FUZ: variants seen among roughly 807,000 people sequenced by gnomAD.
FUZ encodes fuzzy planar cell polarity protein, also known as protein fuzzy homolog.
In FUZ, 31 loss-of-function variants were observed where a neutral mutation model predicts 43.1. The observed-to-expected ratio is 0.72, with a 90% confidence interval of 0.54 to 0.97. The LOEUF is 0.97. Among genes scored for constraint, FUZ ranks in the 50% least tolerant of loss-of-function variants. FUZ has a pLI of 0.00. For missense variants in FUZ, 539 were observed against 543.8 expected (o/e 0.99, Z 0.09); for synonymous variants, 274 against 250.0 (o/e 1.10, Z -0.91).
chr19:49,808,761 G>T lies in FUZ; in HGVS notation c.849C>A (p.Pro283=). The change falls in exon 8 of 11, where the codon CCC becomes CCA. Residue 283 remains proline (P), a synonymous_variant. Transcript: ENST00000313777. The part of the protein sequence containing the change: ...DPLRACLPLG[P]RALPSGFPLH... The stretch of plus-strand genomic sequence containing the variant: ...GGGGGAAGCCACTGGGCAGCGCCCG[G>T]GGTCCCAACGGCAGACAGGCCCGCA... The T allele has an allele frequency of 6.4e-7, 1 of 1,574,492 alleles. No homozygotes were observed. The highest frequency in any genetic ancestry group is 1.9e-5 in the Admixed American group (1 of 53,942).
chr19:49,811,675 GTTC>G lies in FUZ; in HGVS notation c.340_342del (p.Glu114del), dbSNP rs769951235. 6.2e-7 allele frequency: 1 copy of G among 1,614,122 alleles called. No homozygotes were observed. The highest frequency in any genetic ancestry group is 1.7e-5 in the Admixed American group (1 of 60,014). On this transcript the variant is annotated inframe_deletion, in exon 4 of 11. Transcript: ENST00000313777. ...CTCTCCACGTTGCGGATATTGGTCA[GTTC>G]TTCAAGTCCCACAAGAAGGACCTAG... is the stretch of plus-strand genomic sequence containing the variant.
In FUZ at chr19:49,809,065, G is replaced by T. The variant is rs573052859; in HGVS notation, c.786+98C>A. The T allele has an allele frequency of 6.6e-6, 8 of 1,204,938 alleles. No homozygotes were observed. The highest frequency in any genetic ancestry group is 4.5e-5 in the African/African-American group (3 of 66,300). 74.6% of individuals were successfully genotyped at this position (1,204,938 alleles called of 1,614,324 possible). A position where few individuals can be genotyped will look rare whatever the true frequency, so the allele number is the denominator to read the frequency against. ...TGGAGCGCAGTCCAGAAGAGGCGGG[G>T]CTGGGGAAAGATGCCGCTGGCAGGG... On this transcript the variant is annotated intron_variant, in intron 7 of 10. Coordinates refer to ENST00000313777, the MANE Select transcript of FUZ (RefSeq NM_025129.5). This position sits in a 1 kb window ranked among gnomAD's most constrained non-coding sequence, Gnocchi z 5.1.
Position 49,813,044 on chromosome 19 carries a change from G to T in FUZ, c.63C>A (p.Val21=), listed in dbSNP as rs761879368. The part of the protein sequence containing the change: ...HLLCLAASSG[V]PLFCRSSRGG... Reference sequence around the variant, plus strand: ...CGCGACTGCTCCTGCAGAATAGGGGGACCCCGCTGGAGGCCGCGAGGCACA... The same window carrying T: ...CGCGACTGCTCCTGCAGAATAGGGGTACCCCGCTGGAGGCCGCGAGGCACA... The change falls in exon 1 of 11, where the codon GTC becomes GTA. Residue 21 remains valine, a synonymous_variant. Transcript: ENST00000313777. 5.0e-5 allele frequency: 78 copies of T among 1,551,300 alleles called. No individual in the cohort carries two copies. The highest frequency in any genetic ancestry group is 6.6e-5 in the Non-Finnish European group (76 of 1,146,998).
rs1307673797 is a variant in FUZ, at chr19:49,811,643, C to T, written c.375G>A (p.Lys125=). Residue 125 remains lysine (K), a synonymous_variant, in exon 4 of 11, where the codon AAG becomes AAA. Transcript: ENST00000313777. ...CCTGCAACCTCACCCTCAAGTCCTT[C>T]TTCAGTCTCTCCACGTTGCGGATAT... ...LTNIRNVERL[K]KDLRASYCLI... 1 of 1,614,206 alleles carries T rather than the reference C, an allele frequency of 6.2e-7. No homozygotes were observed. Among genetic ancestry groups the T allele is most frequent in the Non-Finnish European group, 8.5e-7 (1 of 1,180,012 alleles).
chr19:49,810,773 C>T (rs1046206641), intron 5 of FUZ, among the ~76,000 whole-genome samples: 62 of 151,836 alleles, frequency 4.1e-4, no homozygotes, highest in African/African-American at 1.5e-3. Context: ...TCACTTGAAT[C>T]CAGGAGTTCA....
Position 49,807,283 on chromosome 19 carries a change from G to A in FUZ, c.1125C>T (p.Gly375=), listed in dbSNP as rs910626330. The change falls in exon 11 of 11, where the codon GGC becomes GGT. Residue 375 remains glycine, a synonymous_variant. Coordinates refer to ENST00000313777, the MANE Select transcript of FUZ (RefSeq NM_025129.5). The stretch of plus-strand genomic sequence containing the variant: ...GCAAGGCCACCAGACGCACTCCTGT[G>A]CCTGGTTCCTCAGTCCCCAACACCA... ...CYLVLGTEEP[G]TGVRLVALQL... The A allele has an allele frequency of 1.9e-6, 3 of 1,613,464 alleles. No homozygotes were observed. The highest frequency in any genetic ancestry group is 2.5e-6 in the Non-Finnish European group (3 of 1,179,958).
At position 49,812,248 on chromosome 19, in the gene FUZ, C is replaced by T. The variant is rs1270474354; in HGVS notation, c.318+3G>A. ...GGGAGAAAAGAGGACTGGTGAGTCT[C>T]ACCATGGCTCCAAACACCATTTGGA... On this transcript the variant is annotated splice_donor_region_variant and intron_variant, in intron 3 of 10. Transcript: ENST00000313777. 56 of 1,610,046 alleles carry T rather than the reference C, an allele frequency of 3.5e-5. No homozygotes were observed. Among genetic ancestry groups the T allele is most frequent in the Non-Finnish European group, 4.6e-5 (54 of 1,176,710 alleles).
intron 3 of FUZ, 91 bp from the exon 4 acceptor site, chr19:49,811,790 G>T (rs1568608778): frequency 2.8e-6 from 3 of 1,078,674 alleles, no homozygotes; most frequent in Non-Finnish European, 4.3e-6. Flanking sequence ...CCCACTTCTG[G>T]GTCTGGGGAC....
At position 49,811,416 on chromosome 19, in the gene FUZ, C is replaced by A. The variant is rs769710496; in HGVS notation, c.439G>T (p.Asp147Tyr). Residue 147 changes from aspartate to tyrosine, a missense_variant, in exon 5 of 11, where the codon GAC becomes TAC. Transcript: ENST00000313777. ...SFLGDSELIGDLTQCVDCVIP... is the reference protein window; with the variant it reads ...SFLGDSELIGYLTQCVDCVIP... Reference sequence around the variant, plus strand: ...ACGCAGTCCACACACTGGGTCAGGTCCCCGATGAGCTCCGAGTCCCCCAGG... The same window carrying A: ...ACGCAGTCCACACACTGGGTCAGGTACCCGATGAGCTCCGAGTCCCCCAGG... The A allele has an allele frequency of 6.2e-7, 1 of 1,613,772 alleles. No homozygotes were observed. The highest frequency in any genetic ancestry group is 8.5e-7 in the Non-Finnish European group (1 of 1,179,836).
chr19:49,807,491 G>T, intron 10 of FUZ, 117 bp from the exon 11 acceptor site: 3 of 1,085,814 alleles, frequency 2.8e-6, no homozygotes, highest in Non-Finnish European at 1.4e-6. Flanking sequence ...GGTTTTGGGA[G>T]CCTCCTGCCA....
At position 49,807,084 on chromosome 19, in the gene FUZ, T is replaced by C; in HGVS notation, c.*67A>G. On this transcript the variant is annotated 3_prime_UTR_variant, in exon 11 of 11. Transcript: ENST00000313777. Reference sequence around the variant, plus strand: ...CTCCCCATCCAGGGGCTGTGTATTATTGTGAGCGAATAAACAGAGAGACGC... The same window carrying C: ...CTCCCCATCCAGGGGCTGTGTATTACTGTGAGCGAATAAACAGAGAGACGC... 6.2e-7 allele frequency: 1 copy of C among 1,601,104 alleles called. No individual in the cohort carries two copies. The highest frequency in any genetic ancestry group is 8.5e-7 in the Non-Finnish European group (1 of 1,175,904).
rs767454942 is a variant in FUZ, at chr19:49,812,728, G to C, written c.120C>G (p.Phe40Leu). The change falls in exon 2 of 11, where the codon TTC (phenylalanine) becomes TTG (leucine). Residue 40 changes from phenylalanine to leucine, a missense_variant. Phe to Leu is a conservative substitution (Grantham distance 22, BLOSUM62 0). Transcript: ENST00000313777. Reference sequence around the variant, plus strand: ...CTCCATTGAGGGAACCGATGACAGAGAACGGGAGCTAAGGAGGGGTTAGGG... The same window carrying C: ...CTCCATTGAGGGAACCGATGACAGACAACGGGAGCTAAGGAGGGGTTAGGG... ...GGAPARQQLPFSVIGSLNGVH... is the reference protein window; with the variant it reads ...GGAPARQQLPLSVIGSLNGVH... 1.1e-5 allele frequency: 17 copies of C among 1,614,002 alleles called. No individual in the cohort carries two copies. The South Asian group carries it at 1.9e-4, about 18-fold the overall frequency.
In FUZ at chr19:49,813,035, G is replaced by A; in HGVS notation, c.72C>T (p.Phe24=). ...CLAASSGVPL[F]CRSSRGGAPA... ...GGGCGCCGCCGCGACTGCTCCTGCAGAATAGGGGGACCCCGCTGGAGGCCG... is the reference window on the plus strand; with the variant it reads ...GGGCGCCGCCGCGACTGCTCCTGCAAAATAGGGGGACCCCGCTGGAGGCCG... The change falls in exon 1 of 11, where the codon TTC becomes TTT. Residue 24 remains phenylalanine (F), a synonymous_variant. Coordinates refer to ENST00000313777, the MANE Select transcript of FUZ (RefSeq NM_025129.5). 1 of 1,551,326 alleles carries A rather than the reference G, an allele frequency of 6.4e-7. No homozygotes were observed. The highest frequency in any genetic ancestry group is 8.7e-7 in the Non-Finnish European group (1 of 1,146,986).
chr19:49,808,376 C>G (rs766520008), intron 10 of FUZ, 38 bp downstream of exon 10: 2 of 1,592,370 alleles, frequency 1.3e-6, no homozygotes, highest in Non-Finnish European at 1.7e-6. Flanking sequence ...ACTCAGTGTC[C>G]CCGCCTGCGC....
At chr19:49,812,508 T>C (rs1266631879) in intron 2 of FUZ, 107 bp downstream of exon 2, 2 of 1,516,740 alleles carry the variant, frequency 1.3e-6, no homozygotes, top group Non-Finnish European at 1.8e-6. Flanking sequence ...AAAGATCCCA[T>C]AGCCAAATTA....
chr19:49,812,644 C>T lies in FUZ; in HGVS notation c.204G>A (p.Thr68=), dbSNP rs1174227161. The T allele has an allele frequency of 6.8e-6, 11 of 1,614,044 alleles. No homozygotes were observed. The highest frequency in any genetic ancestry group is 8.5e-6 in the Non-Finnish European group (10 of 1,180,038). Reference sequence around the variant, plus strand: ...CATGGAAGCTTTTCCACACCACAGTCGTGTTCTCGGTCCTCGCAGAGCTCA... The same window carrying T: ...CATGGAAGCTTTTCCACACCACAGTTGTGTTCTCGGTCCTCGCAGAGCTCA... The part of the protein sequence containing the change: ...VQLSSARTEN[T]TVVWKSFHDS... The change falls in exon 2 of 11, where the codon ACG becomes ACA. Residue 68 remains threonine (T), a synonymous_variant. Transcript: ENST00000313777.
chr19:49,807,875 C>T (rs1267407441), intron 10 of FUZ, among the ~76,000 whole-genome samples: 3 of 152,202 alleles, frequency 2.0e-5, no homozygotes, highest in Non-Finnish European at 4.4e-5. Flanking sequence ...CTTTGTCTTT[C>T]TGGGCCCTTA....
Position 49,812,987 on chromosome 19 carries a change from AG to A in FUZ, c.111+8del. On this transcript the variant is annotated splice_region_variant and intron_variant, in intron 1 of 10. Coordinates refer to ENST00000313777, the MANE Select transcript of FUZ (RefSeq NM_025129.5). ...CCTTCGGTTTAGATACAGGCGTCCAAGGCCCCACCTGCTGACGGGCGGGGGC... is the reference window on the plus strand; with the variant it reads ...CCTTCGGTTTAGATACAGGCGTCCAAGCCCCACCTGCTGACGGGCGGGGGC... The A allele has an allele frequency of 6.5e-7, 1 of 1,549,158 alleles. No individual in the cohort carries two copies. The highest frequency in any genetic ancestry group is 8.7e-7 in the Non-Finnish European group (1 of 1,145,274).
At position 49,809,596 on chromosome 19, in the gene FUZ, G is replaced by A. The variant is rs1346409269; in HGVS notation, c.493-21C>T. On this transcript the variant is annotated intron_variant, in intron 5 of 10. Coordinates refer to ENST00000313777, the MANE Select transcript of FUZ (RefSeq NM_025129.5). This position sits in a 1 kb window ranked among gnomAD's most constrained non-coding sequence, Gnocchi z 5.1. ...GCTTCCTGGGTACGGGAGGCAGGAG[G>A]ACTGGGAGTCAGCAGACAAGCGTAG... is the stretch of plus-strand genomic sequence containing the variant. 12 of 1,573,500 alleles carry A rather than the reference G, an allele frequency of 7.6e-6. No homozygotes were observed. The highest frequency in any genetic ancestry group is 1.0e-5 in the Non-Finnish European group (12 of 1,166,048).
Sources: allele counts gnomAD v4.1 joint callset (sites outside exome capture counted in the v4.1 genomes callset), GRCh38; gene constraint gnomAD v4.1.1; non-coding constraint Gnocchi (gnomAD v3.1); transcripts MANE v1.5; gene names NCBI Gene and HGNC (gene_info 2026-07-23, HGNC 2026-07-21).